CDH13: variants seen among roughly 807,000 people sequenced by gnomAD.
The protein encoded by CDH13 is cadherin-13.
A neutral mutation model predicts 63.8 loss-of-function variants in CDH13; 24 were observed. That is an observed-to-expected ratio of 0.38 (90% confidence interval 0.27 to 0.53). The LOEUF (loss-of-function observed/expected upper bound fraction) is 0.53. Among genes scored for constraint, CDH13 ranks in the 20% least tolerant of loss-of-function variants. The pLI is 0.85. For synonymous variants in CDH13, 503 were observed against 355.3 expected (o/e 1.42, Z -4.67); for missense variants, 1,049 against 903.1 (o/e 1.16, Z -2.07).
chr16:83,440,220 G>C (rs1451330639), intron 6 of CDH13, among the ~76,000 whole-genome samples: 1 of 152,240 alleles, frequency 6.6e-6, no homozygotes, highest in Non-Finnish European at 1.5e-5. Context: ...GGGTCACAGA[G>C]TTGTAGACAG....
At chr16:82,700,215 A>G (rs1310244815) in intron 1 of CDH13, among the ~76,000 whole-genome samples, 6 of 152,230 alleles carry the variant, frequency 3.9e-5, no homozygotes, top group Admixed American at 1.3e-4. Flanking sequence ...TTAATCTGTG[A>G]ATGTGCATAC....
chr16:83,443,080 C>T (rs910404763), intron 6 of CDH13, among the ~76,000 whole-genome samples: 11 of 152,244 alleles, frequency 7.2e-5, no homozygotes, highest in African/African-American at 2.7e-4. Flanking sequence ...CTGCATATTT[C>T]ATCTCAGCAG....
At chr16:83,287,985 G>A (rs1389905994) in intron 5 of CDH13, among the ~76,000 whole-genome samples, 1 of 152,152 alleles carries the variant, frequency 6.6e-6, no homozygotes, top group East Asian at 1.9e-4. Flanking sequence ...TAAAAAGAGG[G>A]CATCAGTATT....
intron 11 of CDH13, among the ~76,000 whole-genome samples, chr16:83,779,437 A>AAAAAAT (rs1915360721): frequency 6.8e-6 from 1 of 147,082 alleles, no homozygotes. Flanking sequence ...AAAAAAAAAA[A>AAAAAAT]AGTCTTATAT....
At chr16:83,783,623 T>G in intron 13 of CDH13, 151 bp downstream of exon 13, 1 of 730,654 alleles carries the variant, frequency 1.4e-6, no homozygotes, top group South Asian at 1.5e-5. Context: ...TAGAACATGT[T>G]ATATGTAAAA....
chr16:83,512,564 A>G (rs887725880), intron 7 of CDH13, among the ~76,000 whole-genome samples: 17 of 150,902 alleles, frequency 1.1e-4, no homozygotes, highest in Admixed American at 1.1e-3. Context: ...GCTGCTCAGG[A>G]GGCTGACACA....
At chr16:83,388,137 G>A (rs1382081572) in intron 6 of CDH13, among the ~76,000 whole-genome samples, 1 of 151,962 alleles carries the variant, frequency 6.6e-6, no homozygotes, top group Non-Finnish European at 1.5e-5. Flanking sequence ...TTTGGACTGT[G>A]CAGTGTTTTA....
chr16:82,858,421 G>T lies in CDH13; in HGVS notation c.105G>T (p.Val35=). Residue 35 remains valine, a synonymous_variant, in exon 2 of 14, where the codon GTG becomes GTT. Coordinates refer to ENST00000567109, the MANE Select transcript of CDH13 (RefSeq NM_001257.5). ...GCACTCCTGGATTTCAGCAGAAAGT[G>T]TTCCATATCAATCAGCCAGCTGAAT... ...LDCTPGFQQK[V]FHINQPAEFI... 1 of 1,613,848 alleles carries T rather than the reference G, an allele frequency of 6.2e-7. No homozygotes were observed. Among genetic ancestry groups the T allele is most frequent in the South Asian group, 1.1e-5 (1 of 91,074 alleles).
At chr16:83,461,479 T>C (rs1439905926) in intron 6 of CDH13, among the ~76,000 whole-genome samples, 3 of 151,966 alleles carry the variant, frequency 2.0e-5, no homozygotes, top group African/African-American at 7.2e-5. Context: ...ATCTTCCCCT[T>C]GAGATTCTTA....
intron 1 of CDH13, among the ~76,000 whole-genome samples, chr16:82,850,354 A>G (rs917701852): frequency 2.6e-5 from 4 of 152,228 alleles, no homozygotes; most frequent in Non-Finnish European, 5.9e-5. Flanking sequence ...AAATAGCAAG[A>G]GAACTAGAAT....
At chr16:83,348,628 A>G (rs1017092448) in intron 6 of CDH13, among the ~76,000 whole-genome samples, 2 of 152,218 alleles carry the variant, frequency 1.3e-5, no homozygotes, top group Non-Finnish European at 2.9e-5. Flanking sequence ...AGCGTCACAA[A>G]TTATGTGGCT....
intron 7 of CDH13, among the ~76,000 whole-genome samples, chr16:83,530,559 A>T (rs2075060588): frequency 6.6e-6 from 1 of 152,196 alleles, no homozygotes; most frequent in Non-Finnish European, 1.5e-5. Context: ...GGTCTCTGTG[A>T]GTCTACTCCT....
At chr16:82,867,827 G>C (rs1285469821) in intron 2 of CDH13, among the ~76,000 whole-genome samples, 1 of 152,178 alleles carries the variant, frequency 6.6e-6, no homozygotes. Context: ...GTAATAAATG[G>C]ATGAACTTTG....
intron 7 of CDH13, among the ~76,000 whole-genome samples, chr16:83,512,176 C>G (rs918590360): frequency 2.7e-5 from 4 of 150,614 alleles, no homozygotes; most frequent in Middle Eastern, 3.4e-3. Context: ...AAAAAATTAG[C>G]CAGACATGGT....
chr16:83,765,722 C>A (rs150658768), intron 11 of CDH13, among the ~76,000 whole-genome samples: 2 of 151,058 alleles, frequency 1.3e-5, no homozygotes, highest in Non-Finnish European at 2.9e-5. Flanking sequence ...AAAGAGAACA[C>A]AAAGTATAAA....
chr16:83,367,073 A>C (rs9928742), intron 6 of CDH13, among the ~76,000 whole-genome samples: 94,579 of 152,000 alleles, frequency 0.62, 29,594 homozygotes, highest in South Asian at 0.74. Flanking sequence ...CAATTTTAGA[A>C]CATTTAATGA....
At chr16:82,925,357 T>C (rs2042271515) in intron 2 of CDH13, among the ~76,000 whole-genome samples, 1 of 152,204 alleles carries the variant, frequency 6.6e-6, no homozygotes, top group African/African-American at 2.4e-5. Context: ...GGAGGCCCTG[T>C]GTTGCCAGTC....
intron 5 of CDH13, among the ~76,000 whole-genome samples, chr16:83,288,829 G>C (rs1391935452): frequency 6.6e-6 from 1 of 152,172 alleles, no homozygotes; most frequent in Non-Finnish European, 1.5e-5. Flanking sequence ...AATTAATGCT[G>C]TTGATGAAAC....
chr16:83,138,196 C>A (rs1285596737), intron 4 of CDH13, among the ~76,000 whole-genome samples: 4 of 152,060 alleles, frequency 2.6e-5, no homozygotes, highest in Non-Finnish European at 5.9e-5. Context: ...AGCAGGCATA[C>A]ACTCTCCCTA....
Sources: gnomAD v4.1 joint callset for allele counts (sites outside exome capture counted in the v4.1 genomes callset) on GRCh38, gnomAD v4.1.1 for gene constraint, MANE v1.5 for transcripts, NCBI Gene and HGNC (gene_info 2026-07-23, HGNC 2026-07-21) for gene names.